The following SYNPR variants were observed in gnomAD, a reference collection of about 807,000 sequenced individuals.
SYNPR encodes synaptoporin.
In SYNPR, 23 loss-of-function variants were observed where a neutral mutation model predicts 32.9. The ratio of observed to expected loss-of-function variants is 0.70; its 90% CI spans 0.50 to 0.99. The LOEUF (loss-of-function observed/expected upper bound fraction) is 0.99, where lower values mean the gene tolerates loss of function less well. Ranked by LOEUF, SYNPR falls within the 50% of genes least tolerant of loss-of-function variation. The probability of loss-of-function intolerance (pLI) is 0.00; values close to 1 mark genes in which losing one functional copy is unlikely to be tolerated. For missense variants in SYNPR, 318 were observed against 349.3 expected (o/e 0.91, Z 0.71); for synonymous variants, 146 against 135.9 (o/e 1.07, Z -0.52).
intron 2 of SYNPR, among the ~76,000 whole-genome samples, chr3:63,400,597 G>A (rs937027587): frequency 3.4e-4 from 51 of 152,154 alleles, no homozygotes; most frequent in Non-Finnish European, 6.9e-4. Context: ...AAGCCACAGT[G>A]CCTTTTTCGA....
chr3:63,276,910 AC>A (rs546646588), upstream of SYNPR, among the ~76,000 whole-genome samples: 13 of 72,096 alleles, frequency 1.8e-4, no homozygotes, highest in South Asian at 3.2e-3. Context: ...CACCCCCCCC[AC>A]CAACACACAC....
intron 2 of SYNPR, among the ~76,000 whole-genome samples, chr3:63,369,583 C>T (rs1035167950): frequency 2.6e-5 from 4 of 152,054 alleles, no homozygotes; most frequent in African/African-American, 9.7e-5. Context: ...TGCACCAATC[C>T]AATGCTTTAA....
chr3:63,461,759 T>C (rs1700587567), intron 2 of SYNPR, among the ~76,000 whole-genome samples: 1 of 151,904 alleles, frequency 6.6e-6, no homozygotes, highest in Non-Finnish European at 1.5e-5. Flanking sequence ...TTATTCTGCA[T>C]GTGATGTTAC....
At chr3:63,223,514 A>G (rs1202390751), upstream of SYNPR, among the ~76,000 whole-genome samples, 2 of 151,942 alleles carry the variant, frequency 1.3e-5, no homozygotes, top group South Asian at 2.1e-4. Context: ...GGCAGCCACA[A>G]TGGTGTTCTT....
intron 2 of SYNPR, among the ~76,000 whole-genome samples, chr3:63,401,252 T>C (rs964200818): frequency 1.3e-5 from 2 of 152,134 alleles, no homozygotes; most frequent in African/African-American, 4.8e-5. Flanking sequence ...CCCAAAAGGA[T>C]AGCTGAATTT....
In SYNPR at chr3:63,441,004, G is replaced by A. The variant is rs113206269; in HGVS notation, c.85-39828G>A. ...GTGGATTTGTCATACCCTGTACACT[G>A]AATAAACAAAAGTATAAGTGCCATC... On this transcript the variant is annotated intron_variant, in intron 2 of 5. Coordinates refer to ENST00000478300, the MANE Select transcript of SYNPR (RefSeq NM_001130003.2). 9.0e-3 allele frequency among the ~76,000 whole-genome samples: 1,374 copies of A among 152,262 alleles called. 24 individuals carry two copies. The highest frequency in any genetic ancestry group is 0.03 in the African/African-American group (1,250 of 41,542).
intron 2 of SYNPR, among the ~76,000 whole-genome samples, chr3:63,459,392 A>G (rs1700541645): frequency 6.6e-6 from 1 of 152,136 alleles, no homozygotes; most frequent in Admixed American, 6.6e-5. Context: ...AGCCAAAGGC[A>G]ATAGTCACAG....
intron 2 of SYNPR, among the ~76,000 whole-genome samples, chr3:63,452,311 G>T (rs1700393658): frequency 6.6e-6 from 1 of 152,094 alleles, no homozygotes; most frequent in Non-Finnish European, 1.5e-5. Context: ...CCTCAAAAGT[G>T]ATTTAATTAT....
chr3:63,596,902 T>G (rs867124032), intron 4 of SYNPR, among the ~76,000 whole-genome samples: 9 of 152,310 alleles, frequency 5.9e-5, no homozygotes, highest in Middle Eastern at 6.8e-3. Flanking sequence ...CATGTGGTTA[T>G]TGAGCACTGA....
chr3:63,612,677 T>G (rs1356134842), intron 5 of SYNPR, among the ~76,000 whole-genome samples: 2 of 152,226 alleles, frequency 1.3e-5, no homozygotes, highest in Non-Finnish European at 2.9e-5. Flanking sequence ...AAAAAATCAG[T>G]ACTCCTTAAA....
intron 1 of SYNPR, among the ~76,000 whole-genome samples, chr3:63,239,222 T>C (rs1252663470): frequency 6.9e-6 from 1 of 145,376 alleles, no homozygotes; most frequent in Admixed American, 7.0e-5. Flanking sequence ...AATTTACATT[T>C]CTTGACCCTT....
upstream of SYNPR, among the ~76,000 whole-genome samples, chr3:63,277,005 T>C (rs1430468620): frequency 1.3e-5 from 2 of 151,706 alleles, 1 homozygote; most frequent in Non-Finnish European, 2.9e-5. Context: ...AGACCACTCA[T>C]AAATGGAATC....
intron 3 of SYNPR, among the ~76,000 whole-genome samples, chr3:63,553,402 C>G (rs1385198391): frequency 6.6e-6 from 1 of 152,138 alleles, no homozygotes; most frequent in African/African-American, 2.4e-5. Context: ...CATGAACATG[C>G]AAGTGCATGG....
At chr3:63,309,239 C>A (rs2086937732) in intron 2 of SYNPR, among the ~76,000 whole-genome samples, 1 of 151,998 alleles carries the variant, frequency 6.6e-6, no homozygotes. Context: ...TCTCTACTCA[C>A]ATTCTTGAAC....
chr3:63,372,705 A>G (rs2087834215), intron 2 of SYNPR, among the ~76,000 whole-genome samples: 1 of 152,198 alleles, frequency 6.6e-6, no homozygotes, highest in Non-Finnish European at 1.5e-5. Flanking sequence ...AACCACTGCC[A>G]AGATCCCTTC....
intron 3 of SYNPR, among the ~76,000 whole-genome samples, chr3:63,484,652 A>G (rs1701111207): frequency 6.6e-6 from 1 of 151,750 alleles, no homozygotes; most frequent in African/African-American, 2.4e-5. Context: ...ACCTTGACAT[A>G]TATTAGATTA....
intron 2 of SYNPR, among the ~76,000 whole-genome samples, chr3:63,449,973 A>G (rs192374405): frequency 3.9e-5 from 6 of 152,322 alleles, no homozygotes; most frequent in Non-Finnish European, 7.3e-5. Flanking sequence ...CCTGGCTTAA[A>G]AACCAGTGTT....
chr3:63,407,146 C>T (rs1309557928), intron 2 of SYNPR, among the ~76,000 whole-genome samples: 1 of 152,102 alleles, frequency 6.6e-6, no homozygotes, highest in East Asian at 1.9e-4. Context: ...AAGATATTTC[C>T]ATTGCATCTT....
At chr3:63,396,354 G>A (rs1575623197) in intron 2 of SYNPR, among the ~76,000 whole-genome samples, 1 of 152,250 alleles carries the variant, frequency 6.6e-6, no homozygotes, top group East Asian at 1.9e-4. Context: ...AGTGAAACCT[G>A]AGGAAGAAGA....
Sources: allele counts gnomAD v4.1 joint callset (sites outside exome capture counted in the v4.1 genomes callset), GRCh38; gene constraint gnomAD v4.1.1; transcripts MANE v1.5; gene names NCBI Gene and HGNC (gene_info 2026-07-23, HGNC 2026-07-21).